Variants in TBX18 observed in about 807,000 individuals in gnomAD.
TBX18 encodes T-box transcription factor TBX18.
In TBX18, 21 loss-of-function variants were observed where a neutral mutation model predicts 55.0. That is an observed-to-expected ratio of 0.38 (90% CI 0.27 to 0.55). The LOEUF is 0.55. Ranked by LOEUF, TBX18 falls within the 20% of genes least tolerant of loss-of-function variation. The pLI, the probability that TBX18 is intolerant of heterozygous loss-of-function variation, is 0.73. For synonymous variants in TBX18, 342 were observed against 326.1 expected, an observed-to-expected ratio of 1.05 and a Z score of -0.53; for missense variants, 840 against 799.6, an observed-to-expected ratio of 1.05 and a Z score of -0.61.
At position 84,737,066 on chromosome 6, in the gene TBX18, T is replaced by G; in HGVS notation, c.1443A>C (p.Pro481=). The G allele has an allele frequency of 6.2e-7, 1 of 1,614,186 alleles. No homozygotes were observed. Among genetic ancestry groups the G allele is most frequent in the Non-Finnish European group, 8.5e-7 (1 of 1,180,024 alleles). ...AAATCTGCATGGATAAGCTGGTCTG[T>G]GGGCAGCTGAAGGTGTCCCCATCAG... ...GGTDGDTFSC[P]QTSLSMQISG... Residue 481 remains proline, a synonymous_variant, in exon 8 of 8, where the codon CCA becomes CCC. Transcript: ENST00000369663.
chr6:84,746,848 CTATAT>C (rs1006654612), intron 5 of TBX18, among the ~76,000 whole-genome samples: 14 of 150,272 alleles, frequency 9.3e-5, no homozygotes, highest in East Asian at 3.9e-4. Flanking sequence ...TAGCATGGTC[CTATAT>C]TATATCTATT....
At chr6:84,761,373 A>C (rs1404477861) in intron 2 of TBX18, among the ~76,000 whole-genome samples, 1 of 152,212 alleles carries the variant, frequency 6.6e-6, no homozygotes, top group Non-Finnish European at 1.5e-5. Context: ...GGAACAGTTT[A>C]ATACGCTGGC....
rs1255597603 is a variant in TBX18, at chr6:84,736,914, T to C, written c.1595A>G (p.Tyr532Cys). 3 of 1,612,976 alleles carry C rather than the reference T, an allele frequency of 1.9e-6. No individual in the cohort carries two copies. Among genetic ancestry groups the C allele is most frequent in the Non-Finnish European group, 2.5e-6 (3 of 1,179,494 alleles). The change falls in exon 8 of 8, where the codon TAT (tyrosine) becomes TGT (cysteine). Residue 532 changes from tyrosine to cysteine, a missense_variant. Coordinates refer to ENST00000369663, the MANE Select transcript of TBX18 (RefSeq NM_001080508.3). ...CAGTTTGGGGGATGTGGAGAAGTTA[T>C]ATCCATATAGTGCACAGGGGCTGTG... is the stretch of plus-strand genomic sequence containing the variant. ...RLHSPCALYG[Y>C]NFSTSPKLAA...
intron 2 of TBX18, 134 bp from the exon 3 acceptor site, chr6:84,760,490 G>A (rs1213524612): frequency 1.8e-6 from 1 of 553,854 alleles, no homozygotes; most frequent in African/African-American, 1.9e-5. Context: ...CTTTGCCAAT[G>A]TAATTCAAGG....
intron 1 of TBX18, 42 bp from the exon 2 acceptor site, chr6:84,762,790 CAG>C (rs1445915148): frequency 6.4e-6 from 10 of 1,555,602 alleles, no homozygotes; most frequent in Non-Finnish European, 8.7e-6. Context: ...GTGAGGGAAA[CAG>C]AGGGGAAGCC....
In TBX18 at chr6:84,751,957, G is replaced by C. The variant is rs536657858; in HGVS notation, c.772-3870C>G. Among the ~76,000 whole-genome samples, 198 of 152,252 alleles carry C rather than the reference G, an allele frequency of 1.3e-3. 1 individual carries two copies. The highest frequency in any genetic ancestry group is 0.01 in the Middle Eastern group (3 of 294). ...GCAAATAGAACCAGGAGAACCACTG[G>C]TCGTATAAACAAGAAGACCACAATG... On this transcript the variant is annotated intron_variant, in intron 4 of 7. Transcript: ENST00000369663.
chr6:84,762,712 G>C lies in TBX18; in HGVS notation c.329C>G (p.Pro110Arg). ...GGGGGAGCCTCCCGGTGACGCCAGA[G>C]GGGAAGCTCCCTGCTGGAAGCCGTC... The part of the protein sequence containing the change: ...CEDGFQQGAS[P>R]LASPGGSPKG... The change falls in exon 2 of 8, where the codon CCT becomes CGT. Residue 110 changes from proline to arginine, a missense_variant. Coordinates refer to ENST00000369663, the MANE Select transcript of TBX18 (RefSeq NM_001080508.3). The C allele has an allele frequency of 6.2e-7, 1 of 1,610,658 alleles. No individual in the cohort carries two copies. The highest frequency in any genetic ancestry group is 1.1e-5 in the South Asian group (1 of 90,942).
chr6:84,736,583 T>C lies in TBX18; in HGVS notation c.*102A>G. 1 of 1,346,814 alleles carries C rather than the reference T, an allele frequency of 7.4e-7. No individual in the cohort carries two copies. Among genetic ancestry groups the C allele is most frequent in the Non-Finnish European group, 9.9e-7 (1 of 1,012,714 alleles). The allele number at this position is 1,346,814 out of a possible 1,614,324, so 83.4% of individuals were successfully genotyped here. On this transcript the variant is annotated 3_prime_UTR_variant, in exon 8 of 8. Coordinates refer to ENST00000369663, the MANE Select transcript of TBX18 (RefSeq NM_001080508.3). The stretch of plus-strand genomic sequence containing the variant: ...GTGAGCCTTCATTTTCTATTATATG[T>C]ACATTTTATAAACCACAGAGAGTTT...
Position 84,738,699 on chromosome 6 carries a change from C to A in TBX18, c.1005-108G>T, listed in dbSNP as rs1766958795. 4.9e-6 allele frequency: 4 copies of A among 816,490 alleles called. No individual in the cohort carries two copies. The East Asian group carries it at 9.8e-5, about 20-fold the overall frequency. 50.6% of individuals were successfully genotyped at this position (816,490 alleles called of 1,614,324 possible). A position where few individuals can be genotyped will look rare whatever the true frequency, so the allele number is the denominator to read the frequency against. On this transcript the variant is annotated intron_variant, in intron 6 of 7. Coordinates refer to ENST00000369663, the MANE Select transcript of TBX18 (RefSeq NM_001080508.3). Reference sequence around the variant, plus strand: ...CAAAACAACACTGATATTGACAGTACCCCCACACTGTCCAGTTAGGATCTT... The same window carrying A: ...CAAAACAACACTGATATTGACAGTAACCCCACACTGTCCAGTTAGGATCTT...
At chr6:84,750,389 G>C (rs1277538007) in intron 4 of TBX18, among the ~76,000 whole-genome samples, 1 of 151,846 alleles carries the variant, frequency 6.6e-6, no homozygotes, top group Non-Finnish European at 1.5e-5. Context: ...GGACCCAGTA[G>C]ATATTCTTTT....
Position 84,733,755 on chromosome 6 carries a change from G to C in TBX18, c.*2930C>G, listed in dbSNP as rs1394019907. On this transcript the variant is annotated 3_prime_UTR_variant, in exon 8 of 8. Transcript: ENST00000369663. The stretch of plus-strand genomic sequence containing the variant: ...GTTTATTAATTTCACACTAAGGTGT[G>C]AGTTACTGGTAGGATTAAGTCTGGA... 3.3e-5 allele frequency: 5 copies of C among 152,162 alleles called. No individual in the cohort carries two copies. The highest frequency in any genetic ancestry group is 9.7e-5 in the African/African-American group (4 of 41,438). 9.4% of individuals were successfully genotyped at this position (152,162 alleles called of 1,614,324 possible).
chr6:84,737,449 C>A, intron 7 of TBX18, 40 bp from the exon 8 acceptor site: 1 of 1,487,808 alleles, frequency 6.7e-7, no homozygotes, highest in South Asian at 1.4e-5. Context: ...ACTCCACAGT[C>A]ATCCTTTCCT....
At chr6:84,762,896 A>T in intron 1 of TBX18, 148 bp from the exon 2 acceptor site, 1 of 721,774 alleles carries the variant, frequency 1.4e-6, no homozygotes, top group Non-Finnish European at 2.3e-6. Context: ...CCTAAAGAAC[A>T]AGCCAGTCGA....
chr6:84,760,419 T>G, intron 2 of TBX18, 63 bp from the exon 3 acceptor site: 1 of 1,115,442 alleles, frequency 9.0e-7, no homozygotes, highest in East Asian at 2.5e-5. Flanking sequence ...GGATGGAGCG[T>G]GAATAAGCAA....
At chr6:84,746,850 A>G (rs1036673024) in intron 5 of TBX18, among the ~76,000 whole-genome samples, 1 of 150,720 alleles carries the variant, frequency 6.6e-6, no homozygotes, top group South Asian at 2.1e-4. Flanking sequence ...GCATGGTCCT[A>G]TATTATATCT....
chr6:84,747,139 T>A (rs1470775848), intron 5 of TBX18, among the ~76,000 whole-genome samples: 1 of 150,374 alleles, frequency 6.7e-6, no homozygotes, highest in Non-Finnish European at 1.5e-5. Flanking sequence ...TATATAAATG[T>A]AAAGAGAAAT....
chr6:84,758,139 G>A (rs1767544782), intron 3 of TBX18, among the ~76,000 whole-genome samples: 1 of 152,048 alleles, frequency 6.6e-6, no homozygotes, highest in African/African-American at 2.4e-5. Flanking sequence ...CAGAGGCGGT[G>A]GCTCATGTCT....
rs1582060573 is a variant in TBX18 at position 84,735,822 on chromosome 6, T to A, written c.*863A>T. 1 of 152,192 alleles carries A rather than the reference T, an allele frequency of 6.6e-6. No homozygotes were observed. The highest frequency in any genetic ancestry group is 2.4e-5 in the African/African-American group (1 of 41,454). 9.4% of individuals were successfully genotyped at this position (152,192 alleles called of 1,614,324 possible). A position where few individuals can be genotyped will look rare whatever the true frequency, so the allele number is the denominator to read the frequency against. On this transcript the variant is annotated 3_prime_UTR_variant, in exon 8 of 8. Coordinates refer to ENST00000369663, the MANE Select transcript of TBX18 (RefSeq NM_001080508.3). ...CATTTCTCATTGGAATCAATGAATTTGAGGTGGATTTATTTTCCTTTTGCC... is the reference window on the plus strand; with the variant it reads ...CATTTCTCATTGGAATCAATGAATTAGAGGTGGATTTATTTTCCTTTTGCC...
chr6:84,747,382 A>G (rs966233423), intron 5 of TBX18, among the ~76,000 whole-genome samples: 6 of 152,160 alleles, frequency 3.9e-5, no homozygotes, highest in African/African-American at 1.4e-4. Context: ...TTCTCACACT[A>G]TTTCTAACTT....
Sources: gnomAD v4.1 joint callset for allele counts (sites outside exome capture counted in the v4.1 genomes callset) on GRCh38, gnomAD v4.1.1 for gene constraint, MANE v1.5 for transcripts, NCBI Gene and HGNC (gene_info 2026-07-23, HGNC 2026-07-21) for gene names.